The following TMEM120B variants were observed in gnomAD, a reference collection of about 807,000 sequenced individuals.
TMEM120B encodes the protein transmembrane protein 120B.
TMEM120B carries 31 observed loss-of-function variants against 55.5 expected under a neutral mutation model. The observed-to-expected ratio is 0.56, with a 90% CI of 0.42 to 0.75. The LOEUF is 0.75. Among genes scored for constraint, TMEM120B ranks in the 30% least tolerant of loss-of-function variants. The pLI, the probability that TMEM120B is intolerant of heterozygous loss-of-function variation, is 0.00. For missense variants in TMEM120B, 399 were observed against 425.5 expected (o/e 0.94, Z 0.55); for synonymous variants, 203 against 176.3 (o/e 1.15, Z -1.20).
Position 121,779,346 on chromosome 12 carries a change from G to T in TMEM120B, c.*3624G>T. The T allele has an allele frequency of 1.2e-6, 1 of 823,622 alleles. No homozygotes were observed. The highest frequency in any genetic ancestry group is 2.7e-5 in the East Asian group (1 of 37,326). 51.0% of individuals were successfully genotyped at this position (823,622 alleles called of 1,614,324 possible). On this transcript the variant is annotated 3_prime_UTR_variant, in exon 12 of 12. Coordinates refer to ENST00000449592, the MANE Select transcript of TMEM120B (RefSeq NM_001080825.2). ...AGTTTGTGGTCAGAGCCCCAGCCAGGAAAGGAGAGAGTTCCAGAATGTTCC... is the reference window on the plus strand; with the variant it reads ...AGTTTGTGGTCAGAGCCCCAGCCAGTAAAGGAGAGAGTTCCAGAATGTTCC...
chr12:121,763,990 C>T (rs1223937681), intron 6 of TMEM120B, among the ~76,000 whole-genome samples: 2 of 152,100 alleles, frequency 1.3e-5, no homozygotes, highest in Non-Finnish European at 2.9e-5. Flanking sequence ...GGAAGTTTCA[C>T]GAATGCAACC....
chr12:121,727,460 G>A (rs1405556090), intron 1 of TMEM120B, among the ~76,000 whole-genome samples: 2 of 149,654 alleles, frequency 1.3e-5, no homozygotes, highest in African/African-American at 4.9e-5. Context: ...CACTTGAGCT[G>A]GGGAAGTTGA....
chr12:121,713,560 G>A (rs1232148691), intron 1 of TMEM120B, among the ~76,000 whole-genome samples: 1 of 152,184 alleles, frequency 6.6e-6, no homozygotes, highest in Non-Finnish European at 1.5e-5. Flanking sequence ...TCGGACAGCT[G>A]AGTAGCCTCA....
At chr12:121,729,878 A>G (rs1192237564) in intron 1 of TMEM120B, among the ~76,000 whole-genome samples, 1 of 152,148 alleles carries the variant, frequency 6.6e-6, no homozygotes, top group Non-Finnish European at 1.5e-5. Flanking sequence ...TAGCCAAAAG[A>G]TGGAAGCAAC....
chr12:121,743,246 C>T (rs1247673626), intron 1 of TMEM120B, among the ~76,000 whole-genome samples: 2 of 151,992 alleles, frequency 1.3e-5, no homozygotes, highest in African/African-American at 4.8e-5. Flanking sequence ...TCAAAGTGAA[C>T]ACTAAATAAA....
Position 121,774,640 on chromosome 12 carries a change from C to T in TMEM120B, c.773-18C>T. On this transcript the variant is annotated intron_variant, in intron 9 of 11. Coordinates refer to ENST00000449592, the MANE Select transcript of TMEM120B (RefSeq NM_001080825.2). ...CGGACCCCCTCAGCGGGTCCTTTTT[C>T]TTCCCTCCTCTCCACAGAAGGGTTC... 1 of 1,612,696 alleles carries T rather than the reference C, an allele frequency of 6.2e-7. No individual in the cohort carries two copies. Among genetic ancestry groups the T allele is most frequent in the Non-Finnish European group, 8.5e-7 (1 of 1,179,280 alleles).
intron 1 of TMEM120B, among the ~76,000 whole-genome samples, chr12:121,725,141 CTTTG>C (rs961170949): frequency 2.0e-5 from 3 of 152,000 alleles, no homozygotes; most frequent in Non-Finnish European, 2.9e-5. Context: ...ATGAAGTGTG[CTTTG>C]TTTGTTTGTT....
At chr12:121,760,087 C>T (rs1007064186) in intron 5 of TMEM120B, among the ~76,000 whole-genome samples, 3 of 148,198 alleles carry the variant, frequency 2.0e-5, no homozygotes, top group South Asian at 2.1e-4. Context: ...GCCGAGATCA[C>T]GCCACCGCAC....
At chr12:121,767,593 C>T (rs189544214) in intron 6 of TMEM120B, among the ~76,000 whole-genome samples, 4 of 152,310 alleles carry the variant, frequency 2.6e-5, no homozygotes, top group Admixed American at 2.0e-4. Context: ...TGTGAATATA[C>T]TAAAAGCCAC....
Position 121,778,383 on chromosome 12 carries a change from G to A in TMEM120B, c.*2661G>A, listed in dbSNP as rs1466207296. On this transcript the variant is annotated 3_prime_UTR_variant, in exon 12 of 12. Coordinates refer to ENST00000449592, the MANE Select transcript of TMEM120B (RefSeq NM_001080825.2). ...AGAGAATCGCTTGAACCCAGGAGGT[G>A]GAGCTTGCAGTGAGCCAAGATCATG... The A allele has an allele frequency of 6.6e-6, 1 of 150,912 alleles. No homozygotes were observed. Among genetic ancestry groups the A allele is most frequent in the Non-Finnish European group, 1.5e-5 (1 of 67,966 alleles). 9.3% of individuals were successfully genotyped at this position (150,912 alleles called of 1,614,324 possible).
At chr12:121,721,360 G>A (rs374486850) in intron 1 of TMEM120B, among the ~76,000 whole-genome samples, 88 of 152,092 alleles carry the variant, frequency 5.8e-4, no homozygotes, top group African/African-American at 1.9e-3. Flanking sequence ...TGTAATTTTT[G>A]TAGAGATGGG....
intron 1 of TMEM120B, among the ~76,000 whole-genome samples, chr12:121,727,482 G>A (rs919157053): frequency 6.7e-6 from 1 of 149,678 alleles, no homozygotes; most frequent in Admixed American, 6.8e-5. Context: ...GCTGTGGTGA[G>A]CTGTGATTGC....
chr12:121,775,857 T>TC lies in TMEM120B; in HGVS notation c.*136dup. The TC allele has an allele frequency of 1.1e-6, 1 of 901,732 alleles. No homozygotes were observed. Among genetic ancestry groups the TC allele is most frequent in the African/African-American group, 1.6e-5 (1 of 60,628 alleles). The allele number at this position is 901,732 out of a possible 1,614,324, so 55.9% of individuals were successfully genotyped here. A position where few individuals can be genotyped will look rare whatever the true frequency, so the allele number is the denominator to read the frequency against. ...CTGGTCCCCCAGTGGACCCCAGTGG[T>TC]CTAGAGGAATGTGAGCCCCGCCTGT... is the stretch of plus-strand genomic sequence containing the variant. On this transcript the variant is annotated 3_prime_UTR_variant, in exon 12 of 12. Transcript: ENST00000449592. The surrounding 1 kb of genome is among the most constrained non-coding windows in gnomAD (Gnocchi z 4.3).
intron 1 of TMEM120B, among the ~76,000 whole-genome samples, chr12:121,739,984 G>A (rs962837288): frequency 7.3e-5 from 11 of 151,664 alleles, no homozygotes; most frequent in African/African-American, 9.7e-5. Flanking sequence ...TCACCATGTT[G>A]GTCAGCCTGG....
intron 1 of TMEM120B, among the ~76,000 whole-genome samples, chr12:121,743,308 T>C (rs1872986076): frequency 6.6e-6 from 1 of 151,746 alleles, no homozygotes; most frequent in Non-Finnish European, 1.5e-5. Flanking sequence ...CCCAGCACTT[T>C]GGCAGGCCGA....
chr12:121,757,024 G>C (rs912875613), intron 5 of TMEM120B, among the ~76,000 whole-genome samples: 4 of 152,018 alleles, frequency 2.6e-5, no homozygotes, highest in Non-Finnish European at 4.4e-5. Flanking sequence ...CATGACTTCG[G>C]CAGCACCAGA....
chr12:121,733,005 C>T (rs956767061), intron 1 of TMEM120B, among the ~76,000 whole-genome samples: 2 of 150,510 alleles, frequency 1.3e-5, no homozygotes, highest in African/African-American at 4.9e-5. Flanking sequence ...AATCTAATAA[C>T]AAGCCTGTAC....
rs765078116 is a variant in TMEM120B at position 121,773,440 on chromosome 12, A to G, written c.699A>G (p.Gln233=). The change falls in exon 9 of 12, where the codon CAA becomes CAG. Residue 233 remains glutamine (Q), a synonymous_variant. Transcript: ENST00000449592. The stretch of plus-strand genomic sequence containing the variant: ...CTGCAGGCTGCGTCCAGTTCCTGCA[A>G]TATTATTACCAGAGGGGCTGCCTCT... ...SIFQSCVQFL[Q]YYYQRGCLYR... 1 of 1,611,176 alleles carries G rather than the reference A, an allele frequency of 6.2e-7. No individual in the cohort carries two copies. Among genetic ancestry groups the G allele is most frequent in the South Asian group, 1.1e-5 (1 of 90,754 alleles).
intron 2 of TMEM120B, among the ~76,000 whole-genome samples, chr12:121,745,643 C>T (rs1204374803): frequency 4.0e-5 from 6 of 151,740 alleles, no homozygotes; most frequent in Admixed American, 6.6e-5. Flanking sequence ...CATCCTGCCT[C>T]GGCCTCCCAA....
Sources: allele counts gnomAD v4.1 joint callset (sites outside exome capture counted in the v4.1 genomes callset), GRCh38; gene constraint gnomAD v4.1.1; non-coding constraint Gnocchi (gnomAD v3.1); transcripts MANE v1.5; gene names NCBI Gene and HGNC (gene_info 2026-07-23, HGNC 2026-07-21).